Variants in RSBN1L observed in about 807,000 individuals in gnomAD.
RSBN1L encodes the protein lysine-specific demethylase RSBN1L.
RSBN1L carries 30 observed loss-of-function variants against 67.7 expected under a neutral mutation model. The ratio of observed to expected loss-of-function variants is 0.44; its 90% confidence interval spans 0.33 to 0.60. RSBN1L has a LOEUF of 0.60. Among genes scored for constraint, RSBN1L ranks in the 20% least tolerant of loss-of-function variants. The pLI, the probability that RSBN1L is intolerant of heterozygous loss-of-function variation, is 0.02. For missense variants in RSBN1L, 992 were observed against 1,031.7 expected (o/e 0.96, Z 0.53); for synonymous variants, 433 against 387.0 (o/e 1.12, Z -1.39).
In RSBN1L at chr7:77,749,841, C is replaced by T. The variant is rs751725840; in HGVS notation, c.1121C>T (p.Pro374Leu). Residue 374 changes from proline to leucine, a missense_variant, in exon 3 of 8, where the codon CCT becomes CTT. Pro to Leu is a moderately conservative substitution (Grantham distance 98). Transcript: ENST00000334955. ...AGTAACGAACTCTCCCACCTGTCTCCTATGGAGATGGAGAGGTTTGCAGAA... is the reference window on the plus strand; with the variant it reads ...AGTAACGAACTCTCCCACCTGTCTCTTATGGAGATGGAGAGGTTTGCAGAA... ...AYSNELSHLS[P>L]MEMERFAEEF... is the part of the protein sequence containing the mutation. 8 of 1,614,054 alleles carry T rather than the reference C, an allele frequency of 5.0e-6. No individual in the cohort carries two copies. In the Admixed American group the frequency reaches 8.3e-5, roughly 17 times the overall value.
chr7:77,741,691 C>CAA (rs534456779), intron 2 of RSBN1L, among the ~76,000 whole-genome samples: 1,463 of 83,592 alleles, frequency 0.018, 39 homozygotes, highest in African/African-American at 0.055. Flanking sequence ...GACTCGGTCT[C>CAA]AAAAAAAAAA....
chr7:77,768,894 A>C, intron 5 of RSBN1L, 91 bp downstream of exon 5: 2 of 1,074,064 alleles, frequency 1.9e-6, no homozygotes, highest in East Asian at 2.4e-5. Flanking sequence ...GGAGGAATGC[A>C]AAGTTTAGAG....
Position 77,778,962 on chromosome 7 carries a change from A to T in RSBN1L, c.2335A>T (p.Asn779Tyr). ...VNIPEKTTAL[N>Y]NMDGKNVKAK... ...TATTCCTGAAAAGACTACAGCACTG[A>T]ATAATATGGATGGCAAGAATGTTAA... The change falls in exon 8 of 8, where the codon AAT becomes TAT. Residue 779 changes from asparagine to tyrosine, a missense_variant. By Grantham distance (143) the Asn-to-Tyr change is moderately radical. Coordinates refer to ENST00000334955, the MANE Select transcript of RSBN1L (RefSeq NM_198467.3). 3 of 1,613,976 alleles carry T rather than the reference A, an allele frequency of 1.9e-6. No homozygotes were observed. Among genetic ancestry groups the T allele is most frequent in the Non-Finnish European group, 2.5e-6 (3 of 1,179,878 alleles).
intron 4 of RSBN1L, among the ~76,000 whole-genome samples, chr7:77,768,023 G>A (rs1448308911): frequency 2.7e-5 from 4 of 150,636 alleles, no homozygotes; most frequent in South Asian, 4.2e-4. Context: ...GCTAATTTTT[G>A]TATTTTGTAG....
intron 2 of RSBN1L, among the ~76,000 whole-genome samples, chr7:77,748,568 A>G (rs181948079): frequency 5.0e-4 from 76 of 152,046 alleles, no homozygotes; most frequent in Middle Eastern, 6.8e-3. Flanking sequence ...GCTCACTGCA[A>G]TCTGCCTCTC....
At chr7:77,711,584 C>G (rs1222365478) in intron 1 of RSBN1L, among the ~76,000 whole-genome samples, 4 of 152,128 alleles carry the variant, frequency 2.6e-5, no homozygotes, top group African/African-American at 7.2e-5. Context: ...TTCCGGCAAT[C>G]CTCCTGTCTT....
intron 1 of RSBN1L, among the ~76,000 whole-genome samples, chr7:77,732,936 T>C (rs1791289601): frequency 6.6e-6 from 1 of 152,152 alleles, no homozygotes; most frequent in Admixed American, 6.5e-5. Context: ...AGTTTGTAGG[T>C]ATCCCACTTT....
intron 1 of RSBN1L, among the ~76,000 whole-genome samples, chr7:77,711,049 C>G (rs1790967429): frequency 6.6e-6 from 1 of 152,088 alleles, no homozygotes; most frequent in Non-Finnish European, 1.5e-5. Flanking sequence ...CCCTTTTTGC[C>G]TGCTCAGAAG....
At position 77,767,056 on chromosome 7, in the gene RSBN1L, CTTCCCT is replaced by C. The variant is rs1202343572; in HGVS notation, c.1482+1430_1482+1435del. 4.3e-3 allele frequency among the ~76,000 whole-genome samples: 613 copies of C among 143,146 alleles called. 2 individuals are homozygous for C. Among genetic ancestry groups the C allele is most frequent in the Non-Finnish European group, 7.1e-3 (466 of 65,232 alleles). The allele number at this position is 143,146 out of a possible 152,430, so 93.9% of individuals were successfully genotyped here. The stretch of plus-strand genomic sequence containing the variant: ...CCTTTCCCCTTCCCTTCCCCTTCCC[CTTCCCT>C]TTCCCCTTCCCTTCCCCTTCCCCTT... On this transcript the variant is annotated intron_variant, in intron 4 of 7. Coordinates refer to ENST00000334955, the MANE Select transcript of RSBN1L (RefSeq NM_198467.3).
At chr7:77,708,603 C>A (rs895154148) in intron 1 of RSBN1L, among the ~76,000 whole-genome samples, 1 of 151,556 alleles carries the variant, frequency 6.6e-6, no homozygotes, top group East Asian at 1.9e-4. Flanking sequence ...AGGATGGTCT[C>A]GATCTCCTGA....
intron 3 of RSBN1L, among the ~76,000 whole-genome samples, chr7:77,762,779 TTATTA>T (rs1791711884): frequency 1.3e-5 from 2 of 152,198 alleles, no homozygotes; most frequent in Non-Finnish European, 2.9e-5. Context: ...GGTTTTCTGA[TTATTA>T]TATTATCTCC....
chr7:77,699,796 A>AT (rs374246949), intron 1 of RSBN1L, among the ~76,000 whole-genome samples: 6,963 of 142,620 alleles, frequency 0.049, 214 homozygotes, highest in South Asian at 0.18. Flanking sequence ...AACAGTTTAG[A>AT]TTTTTTTTTT....
chr7:77,704,502 T>C (rs879492327), intron 1 of RSBN1L, among the ~76,000 whole-genome samples: 5 of 152,240 alleles, frequency 3.3e-5, no homozygotes, highest in Admixed American at 2.0e-4. Context: ...GAAACCAGTA[T>C]ACATTGAATT....
intron 1 of RSBN1L, among the ~76,000 whole-genome samples, chr7:77,727,081 A>G (rs981182835): frequency 2.9e-5 from 4 of 137,046 alleles, no homozygotes; most frequent in Non-Finnish European, 4.6e-5. Context: ...GTGCCTGGCC[A>G]TCATCTGCTT....
chr7:77,737,250 C>A (rs1202744378), intron 2 of RSBN1L, among the ~76,000 whole-genome samples: 1 of 152,174 alleles, frequency 6.6e-6, no homozygotes, highest in East Asian at 1.9e-4. Flanking sequence ...TGCTAGACAA[C>A]TAGCGAATTC....
rs1790776486 is a variant in RSBN1L at position 77,698,921 on chromosome 7, G to A, written c.586+1866G>A. On this transcript the variant is annotated intron_variant, in intron 1 of 7. Transcript: ENST00000334955. Reference sequence around the variant, plus strand: ...TGAAAATTTTTCCCTCGTAACTTGGGGAATACTTATATCTTTCTAAAGTTT... The same window carrying A: ...TGAAAATTTTTCCCTCGTAACTTGGAGAATACTTATATCTTTCTAAAGTTT... 2.6e-5 allele frequency among the ~76,000 whole-genome samples: 4 copies of A among 151,798 alleles called. No homozygotes were observed. In the South Asian group the frequency reaches 8.3e-4, roughly 32 times the overall value.
chr7:77,745,990 G>A (rs1006926997), intron 2 of RSBN1L, among the ~76,000 whole-genome samples: 3 of 152,166 alleles, frequency 2.0e-5, no homozygotes, highest in Non-Finnish European at 4.4e-5. Flanking sequence ...GCAGTAATGT[G>A]AGCAATGGGG....
chr7:77,729,552 G>A (rs1246750208), intron 1 of RSBN1L, among the ~76,000 whole-genome samples: 1 of 152,176 alleles, frequency 6.6e-6, no homozygotes, highest in African/African-American at 2.4e-5. Context: ...ATGCTTAATA[G>A]AAGTATATTG....
intron 1 of RSBN1L, among the ~76,000 whole-genome samples, chr7:77,728,667 C>T (rs368151424): frequency 1.6e-4 from 24 of 152,276 alleles, no homozygotes; most frequent in Middle Eastern, 3.4e-3. Context: ...GTGCTTCTTG[C>T]GGATTAAGGC....
Sources: gnomAD v4.1 joint callset for allele counts (sites outside exome capture counted in the v4.1 genomes callset) on GRCh38, gnomAD v4.1.1 for gene constraint, MANE v1.5 for transcripts, NCBI Gene and HGNC (gene_info 2026-07-23, HGNC 2026-07-21) for gene names.